Variants in KYNU observed in about 807,000 individuals in gnomAD.
KYNU encodes L-kynurenine hydrolase.
KYNU carries 54 observed loss-of-function variants against 59.2 expected under a neutral mutation model. That is an observed-to-expected ratio of 0.91 (90% CI 0.73 to 1.14). The LOEUF (loss-of-function observed/expected upper bound fraction) is 1.14, where lower values mean the gene tolerates loss of function less well. Ranked by LOEUF, KYNU falls within the 50% of genes most tolerant of loss-of-function variation. The pLI is 0.00. For missense variants in KYNU, 567 were observed against 554.4 expected (o/e 1.02, Z -0.23); for synonymous variants, 177 against 192.0 (o/e 0.92, Z 0.65).
In KYNU at chr2:143,046,249, G is replaced by A. The variant is rs1213664781; in HGVS notation, c.*4077G>A. 1 of 151,928 alleles carries A rather than the reference G, an allele frequency of 6.6e-6. No individual in the cohort carries two copies. Among genetic ancestry groups the A allele is most frequent in the Non-Finnish European group, 1.5e-5 (1 of 67,998 alleles). 9.4% of individuals were successfully genotyped at this position (151,928 alleles called of 1,614,324 possible). Reference sequence around the variant, plus strand: ...TGTATGTACCCATAAAAATCTATTAGCTAATTTTGGTTGTGCATGAATATT... The same window carrying A: ...TGTATGTACCCATAAAAATCTATTAACTAATTTTGGTTGTGCATGAATATT... On this transcript the variant is annotated 3_prime_UTR_variant, in exon 14 of 14. Coordinates refer to ENST00000264170, the MANE Select transcript of KYNU (RefSeq NM_003937.3).
intron 6 of KYNU, 40 bp downstream of exon 6, chr2:142,956,314 C>G (rs1394075808): frequency 5.5e-6 from 7 of 1,262,642 alleles, no homozygotes; most frequent in Non-Finnish European, 7.0e-6. Flanking sequence ...TCTTTCTACT[C>G]TTCCTAGAGC....
In KYNU at chr2:143,046,008, A is replaced by C. The variant is rs1225882324; in HGVS notation, c.*3836A>C. ...GTGCTCATAAGTTTATAAATGTTCT[A>C]AAATATTTCATGCTAATCACATTAA... On this transcript the variant is annotated 3_prime_UTR_variant, in exon 14 of 14. Transcript: ENST00000264170. 6.6e-6 allele frequency: 1 copy of C among 152,182 alleles called. No homozygotes were observed. Among genetic ancestry groups the C allele is most frequent in the Non-Finnish European group, 1.5e-5 (1 of 68,036 alleles). 9.4% of individuals were successfully genotyped at this position (152,182 alleles called of 1,614,324 possible).
intron 8 of KYNU, among the ~76,000 whole-genome samples, chr2:142,977,496 T>C (rs2105140684): frequency 6.6e-6 from 1 of 152,034 alleles, no homozygotes; most frequent in Non-Finnish European, 1.5e-5. Context: ...TAAGCTTTGG[T>C]TCTGGTTGCC....
chr2:142,977,017 C>T lies in KYNU; in HGVS notation c.730-8067C>T, dbSNP rs566735336. On this transcript the variant is annotated intron_variant, in intron 8 of 13. Coordinates refer to ENST00000264170, the MANE Select transcript of KYNU (RefSeq NM_003937.3). Reference sequence around the variant, plus strand: ...GGCTGTGGACACCAAGGTTTTATCACGCAGATGAAGCCTCCAAGTAGCAGG... The same window carrying T: ...GGCTGTGGACACCAAGGTTTTATCATGCAGATGAAGCCTCCAAGTAGCAGG... Among the ~76,000 whole-genome samples, 5 of 152,168 alleles carry T rather than the reference C, an allele frequency of 3.3e-5. No individual in the cohort carries two copies. In the South Asian group the frequency reaches 6.2e-4, roughly 19 times the overall value.
At chr2:142,918,047 A>C (rs1399533792) in intron 2 of KYNU, among the ~76,000 whole-genome samples, 3 of 152,246 alleles carry the variant, frequency 2.0e-5, no homozygotes, top group Admixed American at 1.3e-4. Context: ...ATTTATATGA[A>C]TAAGAAGTAG....
At chr2:142,889,269 T>C (rs1471763383) in intron 2 of KYNU, among the ~76,000 whole-genome samples, 1 of 152,082 alleles carries the variant, frequency 6.6e-6, no homozygotes, top group Non-Finnish European at 1.5e-5. Context: ...TAAATAGAAT[T>C]GGAATGAAAT....
At chr2:142,907,165 G>A (rs1682325792) in intron 2 of KYNU, among the ~76,000 whole-genome samples, 1 of 152,134 alleles carries the variant, frequency 6.6e-6, no homozygotes, top group African/African-American at 2.4e-5. Flanking sequence ...CCAAGATGAT[G>A]GTGGGCTGCT....
chr2:142,943,247 A>T (rs144538870), intron 4 of KYNU, among the ~76,000 whole-genome samples: 1 of 152,172 alleles, frequency 6.6e-6, no homozygotes, highest in Non-Finnish European at 1.5e-5. Flanking sequence ...AGGTTGTCTA[A>T]ATGTGCCATG....
intron 4 of KYNU, among the ~76,000 whole-genome samples, chr2:142,940,864 G>T (rs1347572892): frequency 6.6e-6 from 1 of 152,152 alleles, no homozygotes. Flanking sequence ...TCCATAATTT[G>T]CTAGAGCAAT....
chr2:142,938,165 T>C (rs1683458895), intron 4 of KYNU, among the ~76,000 whole-genome samples: 1 of 152,224 alleles, frequency 6.6e-6, no homozygotes, highest in Admixed American at 6.5e-5. Flanking sequence ...TTATTTTTTA[T>C]TATGTCACAT....
At chr2:142,975,192 C>A (rs1470184111) in intron 8 of KYNU, among the ~76,000 whole-genome samples, 1 of 152,070 alleles carries the variant, frequency 6.6e-6, no homozygotes, top group African/African-American at 2.4e-5. Context: ...CCCATAAAAA[C>A]CCCAAACTCC....
chr2:143,012,064 A>AG (rs61131735), intron 10 of KYNU, among the ~76,000 whole-genome samples: 1 of 70,846 alleles, frequency 1.4e-5, no homozygotes, highest in Non-Finnish European at 2.9e-5. Context: ...AAAGTATAAT[A>AG]AAAAAAAAAA....
chr2:142,940,193 A>C (rs1235056772), intron 4 of KYNU, among the ~76,000 whole-genome samples: 1 of 152,244 alleles, frequency 6.6e-6, no homozygotes, highest in Non-Finnish European at 1.5e-5. Flanking sequence ...TATGTAAACA[A>C]AAAAACTGGA....
intron 2 of KYNU, among the ~76,000 whole-genome samples, chr2:142,887,564 A>G (rs191300203): frequency 5.3e-5 from 8 of 152,346 alleles, no homozygotes; most frequent in African/African-American, 9.6e-5. Context: ...ATCAATAGAT[A>G]TGATGGAACC....
intron 1 of KYNU, among the ~76,000 whole-genome samples, chr2:142,879,254 T>C (rs1681208343): frequency 6.6e-6 from 1 of 152,088 alleles, no homozygotes. Context: ...AAGACTATAT[T>C]TGAGACCATG....
At chr2:142,936,653 GA>G (rs1235587185) in intron 4 of KYNU, among the ~76,000 whole-genome samples, 1 of 152,174 alleles carries the variant, frequency 6.6e-6, no homozygotes, top group Non-Finnish European at 1.5e-5. Context: ...AGCCTTCTTG[GA>G]CCAACGCTGG....
At chr2:142,910,777 T>C (rs1486404031) in intron 2 of KYNU, among the ~76,000 whole-genome samples, 2 of 152,214 alleles carry the variant, frequency 1.3e-5, no homozygotes, top group African/African-American at 2.4e-5. Context: ...TCCAGTTCCA[T>C]TCTTCTGCAT....
rs1331661268 is a variant in KYNU at position 143,042,929 on chromosome 2, T to C, written c.*757T>C. On this transcript the variant is annotated 3_prime_UTR_variant, in exon 14 of 14. Coordinates refer to ENST00000264170, the MANE Select transcript of KYNU (RefSeq NM_003937.3). The stretch of plus-strand genomic sequence containing the variant: ...CATCTCAAATAAACAGTTACCATCT[T>C]CTATTTGATAAAATAGTCTAAATAG... 2 of 146,098 alleles carry C rather than the reference T, an allele frequency of 1.4e-5. No homozygotes were observed. Among genetic ancestry groups the C allele is most frequent in the African/African-American group, 5.0e-5 (2 of 40,066 alleles). The allele number at this position is 146,098 out of a possible 1,614,324, so 9.1% of individuals were successfully genotyped here.
intron 2 of KYNU, among the ~76,000 whole-genome samples, chr2:142,892,137 C>T (rs1343114322): frequency 6.6e-6 from 1 of 152,240 alleles, no homozygotes; most frequent in Admixed American, 6.5e-5. Context: ...TTGTCTCAGA[C>T]TCCTGAGCTC....
Sources: gnomAD v4.1 joint callset for allele counts (sites outside exome capture counted in the v4.1 genomes callset) on GRCh38, gnomAD v4.1.1 for gene constraint, MANE v1.5 for transcripts, NCBI Gene and HGNC (gene_info 2026-07-23, HGNC 2026-07-21) for gene names.